Variants in COL28A1 observed in about 807,000 individuals in gnomAD.
COL28A1 encodes collagen type XXVIII alpha 1 chain, also known as collagen alpha-1(XXVIII) chain.
Under a neutral mutation model 150.2 loss-of-function variants are expected in COL28A1, and 161 were observed. That is an observed-to-expected ratio of 1.07 (90% confidence interval 0.94 to 1.22). The LOEUF is 1.22. COL28A1 is among the 50% of genes most tolerant of loss of function. The pLI, the probability that COL28A1 is intolerant of heterozygous loss-of-function variation, is 0.00. For synonymous variants in COL28A1, 552 were observed against 469.7 expected, an observed-to-expected ratio of 1.18 and a Z score of -2.26; for missense variants, 1,617 against 1,388.3, an observed-to-expected ratio of 1.16 and a Z score of -2.62.
Position 7,460,184 on chromosome 7 carries a change from G to A in COL28A1, c.1303-4072C>T, listed in dbSNP as rs4526273. Among the ~76,000 whole-genome samples the A allele has an allele frequency of 1.1e-4, 17 of 152,260 alleles. 1 individual carries two copies. The highest frequency in any genetic ancestry group is 2.6e-4 in the African/African-American group (11 of 41,554). ...CTTCCTGAGTCACTGTAGGTTCATC[G>A]TATGTGGTCTTCCTTCCTTCAGAGT... On this transcript the variant is annotated intron_variant, in intron 15 of 34. Coordinates refer to ENST00000399429, the MANE Select transcript of COL28A1 (RefSeq NM_001037763.3).
intron 13 of COL28A1, 91 bp from the exon 14 acceptor site, chr7:7,477,271 G>C: frequency 1.3e-6 from 1 of 749,294 alleles, no homozygotes; most frequent in Non-Finnish European, 2.4e-6. Flanking sequence ...AAAGAGAATG[G>C]TTATATTTCA....
chr7:7,465,512 G>A (rs907824374), intron 15 of COL28A1, among the ~76,000 whole-genome samples: 7 of 138,586 alleles, frequency 5.1e-5, no homozygotes, highest in Admixed American at 7.3e-5. Context: ...CTGCAAGGCG[G>A]CAACGAGGCT....
At chr7:7,451,309 T>C (rs1359748317) in intron 18 of COL28A1, among the ~76,000 whole-genome samples, 1 of 151,904 alleles carries the variant, frequency 6.6e-6, no homozygotes, top group African/African-American at 2.4e-5. Flanking sequence ...CACTGCAACC[T>C]CCGCCTCCTG....
chr7:7,440,927 G>A, intron 20 of COL28A1, 66 bp from the exon 21 acceptor site: 1 of 777,032 alleles, frequency 1.3e-6, no homozygotes, highest in South Asian at 1.5e-5. Flanking sequence ...AATCTAGCAA[G>A]GACCATAGCG....
the COL28A1 span, among the ~76,000 whole-genome samples, chr7:7,542,167 G>T: frequency 6.6e-6 from 1 of 152,174 alleles, no homozygotes; most frequent in African/African-American, 2.4e-5. Context: ...GGCCAACATA[G>T]TGAAACCCCG....
At chr7:7,479,950 T>C (rs2128358588) in intron 13 of COL28A1, among the ~76,000 whole-genome samples, 1 of 152,342 alleles carries the variant, frequency 6.6e-6, no homozygotes, top group East Asian at 1.9e-4. Flanking sequence ...AAATGAAGCT[T>C]TTCCTCTGAT....
chr7:7,374,044 T>TAA (rs1255126051), intron 31 of COL28A1, among the ~76,000 whole-genome samples: 1 of 132,066 alleles, frequency 7.6e-6, no homozygotes, highest in Non-Finnish European at 1.5e-5. Flanking sequence ...AAAAAATATA[T>TAA]ATATATATAT....
intron 11 of COL28A1, among the ~76,000 whole-genome samples, chr7:7,493,951 A>G (rs998040818): frequency 6.6e-6 from 1 of 152,170 alleles, no homozygotes; most frequent in African/African-American, 2.4e-5. Flanking sequence ...CATCAGAGCC[A>G]TTTACCAACA....
At chr7:7,528,824 C>T (rs184016733) in intron 3 of COL28A1, among the ~76,000 whole-genome samples, 8 of 151,940 alleles carry the variant, frequency 5.3e-5, no homozygotes, top group African/African-American at 1.9e-4. Flanking sequence ...TAGGTGTGTA[C>T]CTATGTCAAA....
chr7:7,414,651 T>C (rs1022656251), intron 27 of COL28A1, among the ~76,000 whole-genome samples: 5 of 152,116 alleles, frequency 3.3e-5, no homozygotes, highest in Non-Finnish European at 7.4e-5. Context: ...ACATAGAGAA[T>C]CAAGAGAATA....
In COL28A1 at chr7:7,373,829, A is replaced by T. The variant is rs894401482; in HGVS notation, c.2360-283T>A. The stretch of plus-strand genomic sequence containing the variant: ...ATTCTCCAGCCTCAGCCTCCCGAGT[A>T]GCTGGGACTACAGGCGCCCGCCACC... On this transcript the variant is annotated intron_variant, in intron 31 of 34. Coordinates refer to ENST00000399429, the MANE Select transcript of COL28A1 (RefSeq NM_001037763.3). This position sits in a 1 kb window ranked among gnomAD's most constrained non-coding sequence, Gnocchi z 4.1. Among the ~76,000 whole-genome samples, 1 of 151,286 alleles carries T rather than the reference A, an allele frequency of 6.6e-6. No individual in the cohort carries two copies. Among genetic ancestry groups the T allele is most frequent in the Non-Finnish European group, 1.5e-5 (1 of 67,902 alleles).
chr7:7,416,413 G>C (rs577809215), intron 27 of COL28A1, among the ~76,000 whole-genome samples: 6 of 152,146 alleles, frequency 3.9e-5, no homozygotes, highest in Admixed American at 6.5e-5. Flanking sequence ...GGAGAAAACC[G>C]GCCCCAGGCC....
At chr7:7,421,675 A>G (rs1240474481) in intron 25 of COL28A1, among the ~76,000 whole-genome samples, 1 of 152,214 alleles carries the variant, frequency 6.6e-6, no homozygotes, top group African/African-American at 2.4e-5. Flanking sequence ...TTCTACTTAT[A>G]AACTCTAAAA....
At chr7:7,389,489 T>C (rs1455072317) in intron 27 of COL28A1, among the ~76,000 whole-genome samples, 1 of 152,220 alleles carries the variant, frequency 6.6e-6, no homozygotes, top group Non-Finnish European at 1.5e-5. Context: ...AGCTCTTTTT[T>C]GATTCCATAA....
At chr7:7,457,484 T>C (rs184750795) in intron 15 of COL28A1, among the ~76,000 whole-genome samples, 3 of 152,226 alleles carry the variant, frequency 2.0e-5, no homozygotes, top group African/African-American at 7.2e-5. Context: ...GAGTTCAGTT[T>C]TGGACATGTT....
chr7:7,464,513 T>C (rs1437720897), intron 15 of COL28A1, among the ~76,000 whole-genome samples: 1 of 152,144 alleles, frequency 6.6e-6, no homozygotes, highest in Non-Finnish European at 1.5e-5. Flanking sequence ...AAATGAACCT[T>C]CAAAGCCATG....
At chr7:7,405,933 C>CATATTTAT (rs1783466182) in intron 27 of COL28A1, among the ~76,000 whole-genome samples, 3 of 152,134 alleles carry the variant, frequency 2.0e-5, no homozygotes, top group Non-Finnish European at 2.9e-5. Context: ...TATACCCTAT[C>CATATTTAT]ATGGGGCAAA....
intron 15 of COL28A1, among the ~76,000 whole-genome samples, chr7:7,457,629 G>A (rs1787272514): frequency 6.6e-6 from 1 of 152,168 alleles, no homozygotes; most frequent in Non-Finnish European, 1.5e-5. Context: ...AATTTGCCAA[G>A]TAATAGAAAA....
intron 15 of COL28A1, among the ~76,000 whole-genome samples, chr7:7,467,834 G>A (rs1788159586): frequency 7.0e-6 from 1 of 142,720 alleles, no homozygotes; most frequent in Non-Finnish European, 1.5e-5. Flanking sequence ...CATGGAAACT[G>A]AACAACCTGC....
Sources: gnomAD v4.1 joint callset for allele counts (sites outside exome capture counted in the v4.1 genomes callset) on GRCh38, gnomAD v4.1.1 for gene constraint, Gnocchi (gnomAD v3.1) non-coding constraint, MANE v1.5 for transcripts, NCBI Gene and HGNC (gene_info 2026-07-23, HGNC 2026-07-21) for gene names.